PRKDC: variants seen among roughly 807,000 people sequenced by gnomAD.
PRKDC encodes DNA-dependent protein kinase catalytic subunit.
In PRKDC, 82 loss-of-function variants were observed where a neutral mutation model predicts 486.9. The ratio of observed to expected loss-of-function variants is 0.17; its 90% CI spans 0.14 to 0.20. The LOEUF (loss-of-function observed/expected upper bound fraction) is 0.20, where lower values mean the gene tolerates loss of function less well. Ranked by LOEUF, PRKDC falls within the 10% of genes least tolerant of loss-of-function variation. The pLI is 1.00. For synonymous variants in PRKDC, 1,895 were observed against 1,837.0 expected (o/e 1.03, Z -0.81); for missense variants, 4,504 against 5,038.2 (o/e 0.89, Z 3.21).
intron 44 of PRKDC, among the ~76,000 whole-genome samples, chr8:47,861,634 G>A (rs991875894): frequency 3.9e-4 from 60 of 152,308 alleles, no homozygotes; most frequent in Admixed American, 1.1e-3. Flanking sequence ...AACTGCTGAG[G>A]CTGGCATGTC....
chr8:47,839,984 T>A (rs1589733941), intron 55 of PRKDC, 32 bp downstream of exon 55: 1 of 1,489,446 alleles, frequency 6.7e-7, no homozygotes, highest in African/African-American at 1.4e-5. Context: ...CTCAAAAAAG[T>A]AACAAAATAA....
rs751871179 is a variant in PRKDC, at chr8:47,794,382, C to A, written c.10578G>T (p.Pro3526=). 8 of 1,613,624 alleles carry A rather than the reference C, an allele frequency of 5.0e-6. No individual in the cohort carries two copies. The highest frequency in any genetic ancestry group is 2.2e-5 in the East Asian group (1 of 44,892). ...TGATGAAGGGATAAACAATAGCCTGCGGGTAGTTATCAGTGATTTCTTCCA... is the reference window on the plus strand; with the variant it reads ...TGATGAAGGGATAAACAATAGCCTGAGGGTAGTTATCAGTGATTTCTTCCA... ...HSVEEITDNY[P]QAIVYPFIIS... is the part of the protein sequence containing the mutation. The change falls in exon 74 of 86, where the codon CCG becomes CCT. Residue 3526 remains proline, a synonymous_variant. Coordinates refer to ENST00000314191, the MANE Select transcript of PRKDC (RefSeq NM_006904.7).
intron 7 of PRKDC, among the ~76,000 whole-genome samples, chr8:47,944,980 T>C (rs1182727141): frequency 6.6e-6 from 1 of 152,260 alleles, no homozygotes; most frequent in South Asian, 2.1e-4. Flanking sequence ...ATGAGTATTC[T>C]ATAAAGGCTT....
At chr8:47,831,347 T>G (rs8178185) in intron 60 of PRKDC, among the ~76,000 whole-genome samples, 4,358 of 152,318 alleles carry the variant, frequency 0.029, 218 homozygotes, top group African/African-American at 0.097. Context: ...TAACGATCCG[T>G]CCTACCCCCT....
intron 27 of PRKDC, 43 bp from the exon 28 acceptor site, chr8:47,900,510 A>C: frequency 6.8e-7 from 1 of 1,463,290 alleles, no homozygotes; most frequent in Non-Finnish European, 9.4e-7. Flanking sequence ...GAAAACAATA[A>C]AGCAGAAAGG....
chr8:47,866,600 C>T (rs1428171272), intron 40 of PRKDC, among the ~76,000 whole-genome samples: 1 of 152,144 alleles, frequency 6.6e-6, no homozygotes, highest in Admixed American at 6.5e-5. Flanking sequence ...ATATGCCTGA[C>T]TTTACTCATA....
intron 4 of PRKDC, among the ~76,000 whole-genome samples, chr8:47,955,445 G>A (rs2090685565): frequency 8.9e-6 from 1 of 111,856 alleles, no homozygotes; most frequent in South Asian, 3.2e-4. Flanking sequence ...CTGGGCGACA[G>A]AGCGAGACTC....
At chr8:47,955,107 T>C (rs999260706) in intron 4 of PRKDC, among the ~76,000 whole-genome samples, 7 of 151,304 alleles carry the variant, frequency 4.6e-5, no homozygotes, top group South Asian at 2.1e-4. Context: ...TGAGCCGAGA[T>C]TGCGCCACTG....
chr8:47,782,066 G>A lies in PRKDC; in HGVS notation c.11489+96C>T, dbSNP rs920649342. ...GCCAGCAGACTGCGGGGCAGGCAGT[G>A]TGGGCTCTCGAGCGCGCCTGTCACG... On this transcript the variant is annotated intron_variant, in intron 80 of 85. Coordinates refer to ENST00000314191, the MANE Select transcript of PRKDC (RefSeq NM_006904.7). This position sits in a 1 kb window ranked among gnomAD's most constrained non-coding sequence, Gnocchi z 4.9. 4 of 1,058,634 alleles carry A rather than the reference G, an allele frequency of 3.8e-6. No homozygotes were observed. In the African/African-American group the frequency reaches 4.7e-5, roughly 12 times the overall value. 65.6% of individuals were successfully genotyped at this position (1,058,634 alleles called of 1,614,324 possible).
At chr8:47,779,369 T>A (rs148388076) in intron 80 of PRKDC, 5 of 319,084 alleles carry the variant, frequency 1.6e-5, no homozygotes, top group South Asian at 5.6e-5. Context: ...AATTTCCCAC[T>A]GACATAGAGA....
intron 7 of PRKDC, among the ~76,000 whole-genome samples, chr8:47,946,341 C>G (rs1274480061): frequency 6.6e-6 from 1 of 152,052 alleles, no homozygotes; most frequent in African/African-American, 2.4e-5. Context: ...CTCTTACCCC[C>G]ACATCTCCCA....
At chr8:47,805,858 T>C (rs1187546485) in intron 69 of PRKDC, among the ~76,000 whole-genome samples, 2 of 152,082 alleles carry the variant, frequency 1.3e-5, no homozygotes, top group Non-Finnish European at 2.9e-5. Flanking sequence ...ACAGAGCACC[T>C]CTCTTGCCCT....
chr8:47,782,712 G>T lies in PRKDC; in HGVS notation c.11176-114C>A. On this transcript the variant is annotated intron_variant, in intron 78 of 85. Coordinates refer to ENST00000314191, the MANE Select transcript of PRKDC (RefSeq NM_006904.7). The surrounding 1 kb of genome is among the most constrained non-coding windows in gnomAD (Gnocchi z 4.9). ...CGTGGGGCCGCCCTCTGAAGACAGT[G>T]CCAAAGAGCAGAGCGCCCAGGCCAG... The T allele has an allele frequency of 8.3e-7, 1 of 1,200,646 alleles. No homozygotes were observed. The highest frequency in any genetic ancestry group is 1.2e-6 in the Non-Finnish European group (1 of 863,886). The allele number at this position is 1,200,646 out of a possible 1,614,324, so 74.4% of individuals were successfully genotyped here.
At chr8:47,953,961 T>C in intron 5 of PRKDC, 42 bp from the exon 6 acceptor site, 1 of 1,202,182 alleles carries the variant, frequency 8.3e-7, no homozygotes, top group Non-Finnish European at 1.2e-6. Context: ...TCAAACTACA[T>C]TTAAATAAGT....
Position 47,834,219 on chromosome 8 carries a change from T to C in PRKDC, c.8129A>G (p.Asp2710Gly), listed in dbSNP as rs2154499602. The C allele has an allele frequency of 6.2e-7, 1 of 1,613,996 alleles. No homozygotes were observed. The highest frequency in any genetic ancestry group is 8.5e-7 in the Non-Finnish European group (1 of 1,179,886). Residue 2710 changes from aspartate to glycine, a missense_variant, in exon 59 of 86, where the codon GAC (aspartate) becomes GGC (glycine). Coordinates refer to ENST00000314191, the MANE Select transcript of PRKDC (RefSeq NM_006904.7). ...ACCTTTCACTTTGTTATCCACCTCG[T>C]CCCCTGGAAGGCCCAGCCTTTTTTT... is the stretch of plus-strand genomic sequence containing the variant. ...FGKKRLGLPG[D>G]EVDNKVKGAA...
chr8:47,878,341 G>A (rs888314889), intron 39 of PRKDC, among the ~76,000 whole-genome samples: 6 of 152,094 alleles, frequency 3.9e-5, no homozygotes, highest in Non-Finnish European at 8.8e-5. Context: ...TCCTGACCTG[G>A]TGATCTGCCC....
At chr8:47,836,284 G>T in intron 58 of PRKDC, 54 bp downstream of exon 58, 1 of 1,399,692 alleles carries the variant, frequency 7.1e-7, no homozygotes, top group Non-Finnish European at 9.4e-7. Context: ...GACAGAAGCT[G>T]CCCACAGAGG....
chr8:47,814,680 T>C (rs2087404459), intron 68 of PRKDC, among the ~76,000 whole-genome samples: 1 of 152,194 alleles, frequency 6.6e-6, no homozygotes, highest in South Asian at 2.1e-4. Context: ...TAAAGATATC[T>C]AAATTAACAG....
intron 40 of PRKDC, 91 bp from the exon 41 acceptor site, chr8:47,864,854 G>C: frequency 9.0e-7 from 1 of 1,117,302 alleles, no homozygotes; most frequent in Non-Finnish European, 1.2e-6. Flanking sequence ...GTAAACACCA[G>C]TGATTACAAA....
Sources: allele counts gnomAD v4.1 joint callset (sites outside exome capture counted in the v4.1 genomes callset), GRCh38; gene constraint gnomAD v4.1.1; non-coding constraint Gnocchi (gnomAD v3.1); transcripts MANE v1.5; gene names NCBI Gene and HGNC (gene_info 2026-07-23, HGNC 2026-07-21).